ZCCHC14: variants seen among roughly 807,000 people sequenced by gnomAD.
ZCCHC14 encodes zinc finger CCHC domain-containing protein 14.
ZCCHC14 carries 16 observed loss-of-function variants against 85.0 expected under a neutral mutation model. That is an observed-to-expected ratio of 0.19 (90% confidence interval 0.13 to 0.29). The LOEUF (loss-of-function observed/expected upper bound fraction) is 0.29. ZCCHC14 is among the 10% of genes least tolerant of loss of function. The pLI, the probability that ZCCHC14 is intolerant of heterozygous loss-of-function variation, is 1.00. For synonymous variants in ZCCHC14, 775 were observed against 630.7 expected (o/e 1.23, Z -3.43); for missense variants, 1,303 against 1,443.5 (o/e 0.90, Z 1.58).
At chr16:87,466,394 C>T (rs892062047) in intron 1 of ZCCHC14, among the ~76,000 whole-genome samples, 12 of 152,230 alleles carry the variant, frequency 7.9e-5, no homozygotes, top group Admixed American at 2.6e-4. Flanking sequence ...ACTCGCTGCA[C>T]CCCACTGGTG....
chr16:87,485,590 C>CA (rs35083614), intron 1 of ZCCHC14, among the ~76,000 whole-genome samples: 2,402 of 98,476 alleles, frequency 0.024, 76 homozygotes, highest in African/African-American at 0.056. Context: ...GGCAGTTTTC[C>CA]AAAAAAAAAA....
intron 2 of ZCCHC14, among the ~76,000 whole-genome samples, chr16:87,447,392 T>A (rs372933282): frequency 2.0e-5 from 3 of 152,208 alleles, no homozygotes; most frequent in Non-Finnish European, 4.4e-5. Context: ...TACATTTATA[T>A]GCCCATGTGA....
intron 1 of ZCCHC14, among the ~76,000 whole-genome samples, chr16:87,466,451 G>C (rs1051716766): frequency 7.9e-5 from 12 of 152,322 alleles, no homozygotes; most frequent in African/African-American, 2.9e-4. Context: ...TTTTAGAGCA[G>C]GGTTTTAACC....
chr16:87,447,445 A>C (rs983671762), intron 2 of ZCCHC14, among the ~76,000 whole-genome samples: 5 of 152,226 alleles, frequency 3.3e-5, no homozygotes, highest in Admixed American at 3.3e-4. Context: ...TCAATTCTCT[A>C]AAAAGTCTTG....
chr16:87,453,458 G>A (rs752544560), intron 2 of ZCCHC14, among the ~76,000 whole-genome samples: 1 of 152,228 alleles, frequency 6.6e-6, no homozygotes. Context: ...CCCCGTCAGT[G>A]CCCAGCCCTG....
rs34871367 is a variant in ZCCHC14 at position 87,437,337 on chromosome 16, CAAAAAAAAAAAAAA to C, written c.695-4150_695-4137del. On this transcript the variant is annotated intron_variant, in intron 2 of 12. Coordinates refer to ENST00000671377, the MANE Select transcript of ZCCHC14 (RefSeq NM_015144.3). ...GGGCAACAAGAGTGAAATTCCATCT[CAAAAAAAAAAAAAA>C]AAAAAAAAAAAAAATTCAGGGGCAA... Among the ~76,000 whole-genome samples the C allele has an allele frequency of 2.6e-4, 15 of 57,738 alleles. No individual in the cohort carries two copies. In the East Asian group the frequency reaches 7.2e-3, roughly 28 times the overall value. 37.9% of individuals were successfully genotyped at this position (57,738 alleles called of 152,430 possible).
intron 1 of ZCCHC14, among the ~76,000 whole-genome samples, chr16:87,462,268 CAA>C (rs1911299806): frequency 6.6e-6 from 1 of 152,132 alleles, no homozygotes; most frequent in Non-Finnish European, 1.5e-5. Context: ...TCCGATTTAA[CAA>C]AGTCTCTTTC....
intron 2 of ZCCHC14, among the ~76,000 whole-genome samples, chr16:87,458,918 C>A (rs1241218661): frequency 1.3e-5 from 2 of 152,154 alleles, no homozygotes; most frequent in South Asian, 2.1e-4. Context: ...TGTCTCCCCA[C>A]TACTGACGAT....
At chr16:87,439,684 T>C (rs764084737) in intron 2 of ZCCHC14, among the ~76,000 whole-genome samples, 6 of 152,192 alleles carry the variant, frequency 3.9e-5, no homozygotes, top group Admixed American at 2.6e-4. Flanking sequence ...GAGATATCCA[T>C]AGAAAATAAA....
intron 2 of ZCCHC14, among the ~76,000 whole-genome samples, chr16:87,441,761 C>G (rs890953627): frequency 1.6e-4 from 24 of 152,242 alleles, no homozygotes; most frequent in African/African-American, 5.8e-4. Context: ...GTTGTTACAG[C>G]TTTCCTCTTA....
chr16:87,490,914 C>G (rs1161766422), intron 1 of ZCCHC14, among the ~76,000 whole-genome samples: 1 of 152,210 alleles, frequency 6.6e-6, no homozygotes. Context: ...CGCCCAGGCC[C>G]CCAGCGACAC....
At chr16:87,425,800 C>T (rs925807417) in intron 3 of ZCCHC14, among the ~76,000 whole-genome samples, 22 of 152,160 alleles carry the variant, frequency 1.4e-4, no homozygotes, top group African/African-American at 5.3e-4. Context: ...CAAGGTAAAG[C>T]GTGTCATAGA....
At chr16:87,449,542 C>T (rs925901512) in intron 2 of ZCCHC14, among the ~76,000 whole-genome samples, 5 of 152,168 alleles carry the variant, frequency 3.3e-5, no homozygotes, top group Non-Finnish European at 7.3e-5. Context: ...ACCCCAATCC[C>T]TTTCTCTTTA....
rs924556281 is a variant in ZCCHC14, at chr16:87,492,419, G to A, written c.-181C>T. On this transcript the variant is annotated 5_prime_UTR_variant, in exon 1 of 13. Coordinates refer to ENST00000671377, the MANE Select transcript of ZCCHC14 (RefSeq NM_015144.3). The surrounding 1 kb of genome is among the most constrained non-coding windows in gnomAD (Gnocchi z 6.7). ...CGCCGGGGCGGGGGCGGGGACCGGG[G>A]CCGGGCAAGGCTCCCGTCAGGGGCC... 194 of 144,846 alleles carry A rather than the reference G, an allele frequency of 1.3e-3. 1 individual carries two copies. The highest frequency in any genetic ancestry group is 4.4e-3 in the African/African-American group (177 of 40,452). The allele number at this position is 144,846 out of a possible 1,614,324, so 9.0% of individuals were successfully genotyped here.
chr16:87,474,828 C>T (rs1033705586), intron 1 of ZCCHC14, among the ~76,000 whole-genome samples: 4 of 152,232 alleles, frequency 2.6e-5, no homozygotes, highest in Non-Finnish European at 5.9e-5. Context: ...TCTGTGTGAG[C>T]CCTGCAACAG....
In ZCCHC14 at chr16:87,492,128, G is replaced by A. The variant is rs999964977; in HGVS notation, c.111C>T (p.Ile37=). 30 of 1,346,462 alleles carry A rather than the reference G, an allele frequency of 2.2e-5. No homozygotes were observed. In the African/African-American group the frequency reaches 3.9e-4, roughly 17 times the overall value. The allele number at this position is 1,346,462 out of a possible 1,614,324, so 83.4% of individuals were successfully genotyped here. ...EFLCGLLDLC[I]PLELRFLGSC... ...AGCCGAGGAAGCGAAGCTCGAGCGG[G>A]ATGCACAGGTCCAGCAGGCCGCACA... The change falls in exon 1 of 13, where the codon ATC becomes ATT. Residue 37 remains isoleucine, a synonymous_variant. Coordinates refer to ENST00000671377, the MANE Select transcript of ZCCHC14 (RefSeq NM_015144.3). This position sits in a 1 kb window ranked among gnomAD's most constrained non-coding sequence, Gnocchi z 6.7.
chr16:87,487,445 C>T (rs1241073516), intron 1 of ZCCHC14, among the ~76,000 whole-genome samples: 1 of 152,236 alleles, frequency 6.6e-6, no homozygotes, highest in Non-Finnish European at 1.5e-5. Flanking sequence ...ATACCTGTCG[C>T]TGACCAAATG....
In ZCCHC14 at chr16:87,412,301, A is replaced by G. The variant is rs768921728; in HGVS notation, c.2420T>C (p.Ile807Thr). 1 of 1,613,932 alleles carries G rather than the reference A, an allele frequency of 6.2e-7. No homozygotes were observed. Among genetic ancestry groups the G allele is most frequent in the Non-Finnish European group, 8.5e-7 (1 of 1,180,034 alleles). ...NVQISVPPAI[I>T]NPRTALYTAN... ...TGTGTACAGAGCAGTCCGGGGGTTT[A>G]TTATTGCAGGGGGCACACTTATTTG... Residue 807 changes from isoleucine to threonine, a missense_variant, in exon 12 of 13, where the codon ATA (isoleucine) becomes ACA (threonine). By Grantham distance (89) the Ile-to-Thr change is moderately conservative. Transcript: ENST00000671377.
In ZCCHC14 at chr16:87,432,933, G is replaced by A. The variant is rs78992689; in HGVS notation, c.768+195C>T. 0.16 allele frequency among the ~76,000 whole-genome samples: 10,200 copies of A among 63,716 alleles called. 1,228 individuals are homozygous for A. Among genetic ancestry groups the A allele is most frequent in the African/African-American group, 0.4 (9,601 of 24,044 alleles). The allele number at this position is 63,716 out of a possible 152,430, so 41.8% of individuals were successfully genotyped here. On this transcript the variant is annotated intron_variant, in intron 3 of 12. Coordinates refer to ENST00000671377, the MANE Select transcript of ZCCHC14 (RefSeq NM_015144.3). ...CCCTGCCCGAGCCCCCACCCTTCCC[G>A]CCTGCAGAGGCCCCCCAGCCAACAA...
Sources: gnomAD v4.1 joint callset for allele counts (sites outside exome capture counted in the v4.1 genomes callset) on GRCh38, gnomAD v4.1.1 for gene constraint, Gnocchi (gnomAD v3.1) non-coding constraint, MANE v1.5 for transcripts, NCBI Gene and HGNC (gene_info 2026-07-23, HGNC 2026-07-21) for gene names.